TLE4: variants seen among roughly 807,000 people sequenced by gnomAD.
TLE4 encodes the protein transducin-like enhancer protein 4.
Under a neutral mutation model 92.8 loss-of-function variants are expected in TLE4, and 8 were observed. That is an observed-to-expected ratio of 0.09 (90% CI 0.05 to 0.16). TLE4 has a LOEUF of 0.16. Among genes scored for constraint, TLE4 ranks in the 10% least tolerant of loss-of-function variants. TLE4 has a pLI of 1.00. For synonymous variants in TLE4, 371 were observed against 374.1 expected (o/e 0.99, Z 0.10); for missense variants, 675 against 997.6 (o/e 0.68, Z 4.36).
In TLE4 at chr9:79,725,468, C is replaced by A; in HGVS notation, c.*324C>A. On this transcript the variant is annotated 3_prime_UTR_variant, in exon 20 of 20. Transcript: ENST00000376552. ...AAGAAGGCTTTCTAACAATGACTGA[C>A]TAAATAAAGCTGTCTGCTCCTGCAT... 5.4e-6 allele frequency: 1 copy of A among 184,350 alleles called. No individual in the cohort carries two copies. Among genetic ancestry groups the A allele is most frequent in the Non-Finnish European group, 1.1e-5 (1 of 87,562 alleles). 11.4% of individuals were successfully genotyped at this position (184,350 alleles called of 1,614,324 possible). A position where few individuals can be genotyped will look rare whatever the true frequency, so the allele number is the denominator to read the frequency against.
At chr9:79,616,682 C>T (rs1373643625) in intron 5 of TLE4, among the ~76,000 whole-genome samples, 2 of 152,144 alleles carry the variant, frequency 1.3e-5, no homozygotes, top group Non-Finnish European at 2.9e-5. Context: ...CTCAGTGGGT[C>T]CTTAGTAAAA....
intron 5 of TLE4, among the ~76,000 whole-genome samples, chr9:79,614,358 G>A (rs1178150601): frequency 1.3e-5 from 2 of 152,146 alleles, no homozygotes; most frequent in Non-Finnish European, 2.9e-5. Flanking sequence ...TGTGGGTTGT[G>A]TTCAGAAGTA....
chr9:79,651,124 A>G (rs1387775657), intron 6 of TLE4, among the ~76,000 whole-genome samples: 2 of 152,002 alleles, frequency 1.3e-5, no homozygotes, highest in East Asian at 3.9e-4. Flanking sequence ...AGAAAATTAT[A>G]GAAGGGACTA....
intron 8 of TLE4, among the ~76,000 whole-genome samples, chr9:79,700,089 T>A (rs2069372283): frequency 1.3e-5 from 2 of 152,200 alleles, no homozygotes; most frequent in African/African-American, 4.8e-5. Flanking sequence ...GTTGAGGGGC[T>A]AGGCTATGTG....
chr9:79,622,427 C>T (rs942524628), intron 5 of TLE4, among the ~76,000 whole-genome samples: 18 of 152,160 alleles, frequency 1.2e-4, no homozygotes, highest in Admixed American at 1.2e-3. Flanking sequence ...CTTTTATCCT[C>T]ATTCTTCATC....
At chr9:79,629,646 C>G (rs1041106387) in intron 6 of TLE4, among the ~76,000 whole-genome samples, 3 of 152,142 alleles carry the variant, frequency 2.0e-5, no homozygotes, top group Non-Finnish European at 2.9e-5. Flanking sequence ...CTTCCAAACT[C>G]TTGGTATCTG....
At chr9:79,686,180 A>G (rs2065809908) in intron 8 of TLE4, among the ~76,000 whole-genome samples, 1 of 152,164 alleles carries the variant, frequency 6.6e-6, no homozygotes, top group Non-Finnish European at 1.5e-5. Context: ...GTGCCCTCTG[A>G]TTTTGGTATC....
At chr9:79,598,296 A>G (rs1166375365) in intron 4 of TLE4, among the ~76,000 whole-genome samples, 4 of 151,968 alleles carry the variant, frequency 2.6e-5, no homozygotes, top group East Asian at 3.9e-4. Flanking sequence ...GAGTAATGCA[A>G]TAGCCTCCTA....
Position 79,704,882 on chromosome 9 carries a change from A to C in TLE4, c.709A>C (p.Lys237Gln). The C allele has an allele frequency of 6.2e-7, 1 of 1,614,190 alleles. No homozygotes were observed. Among genetic ancestry groups the C allele is most frequent in the Non-Finnish European group, 8.5e-7 (1 of 1,180,020 alleles). Reference sequence around the variant, plus strand: ...GAGCAAAAAGCAGAAAACTGAAGAAAAGGAAATTGCAGCTCGTTATGTAAG... The same window carrying C: ...GAGCAAAAAGCAGAAAACTGAAGAACAGGAAATTGCAGCTCGTTATGTAAG... Reference protein sequence around the residue: ...SESKKQKTEEKEIAARYDSDG... With the variant: ...SESKKQKTEEQEIAARYDSDG... The change falls in exon 9 of 20, where the codon AAG becomes CAG. Residue 237 changes from lysine (K) to glutamine (Q), a missense_variant. By Grantham distance (53) the Lys-to-Gln change is moderately conservative (BLOSUM62 1). This residue lies in a region of TLE4 where 280 missense variants were observed against 287.3 expected (regional missense o/e 0.97). Coordinates refer to ENST00000376552, the MANE Select transcript of TLE4 (RefSeq NM_007005.6).
chr9:79,577,642 C>T (rs2038284709), intron 4 of TLE4, among the ~76,000 whole-genome samples: 1 of 152,092 alleles, frequency 6.6e-6, no homozygotes, highest in African/African-American at 2.4e-5. Context: ...ATTACATTTC[C>T]TTTGAGGTCT....
chr9:79,711,393 T>G (rs1025575852), intron 14 of TLE4, among the ~76,000 whole-genome samples: 1 of 152,252 alleles, frequency 6.6e-6, no homozygotes, highest in African/African-American at 2.4e-5. Flanking sequence ...GTTGGGTCTA[T>G]TTCAAGCAAT....
At chr9:79,722,733 C>T in intron 18 of TLE4, 132 bp downstream of exon 18, 1 of 1,163,714 alleles carries the variant, frequency 8.6e-7, no homozygotes, top group Non-Finnish European at 1.2e-6. Context: ...CTTCCTGATA[C>T]ATGCCTGCTT....
At chr9:79,689,926 C>A (rs909890026) in intron 8 of TLE4, among the ~76,000 whole-genome samples, 1 of 152,132 alleles carries the variant, frequency 6.6e-6, no homozygotes, top group African/African-American at 2.4e-5. Context: ...CTCTGGACAG[C>A]GTCTGATTTA....
In TLE4 at chr9:79,709,499, A is replaced by G. The variant is rs566422251; in HGVS notation, c.1264-124A>G. On this transcript the variant is annotated intron_variant, in intron 13 of 19. Transcript: ENST00000376552. ...ATTTCACCAATAAATACTTCTGTATATATCTCTAAAACCTTATTTTTAAAG... is the reference window on the plus strand; with the variant it reads ...ATTTCACCAATAAATACTTCTGTATGTATCTCTAAAACCTTATTTTTAAAG... 6 of 726,698 alleles carry G rather than the reference A, an allele frequency of 8.3e-6. No individual in the cohort carries two copies. The East Asian group carries it at 8.3e-5, about 10-fold the overall frequency. 45.0% of individuals were successfully genotyped at this position (726,698 alleles called of 1,614,324 possible). A position where few individuals can be genotyped will look rare whatever the true frequency, so the allele number is the denominator to read the frequency against.
At position 79,605,904 on chromosome 9, in the gene TLE4, T is replaced by C. The variant is rs560827459; in HGVS notation, c.253-6752T>C. 3.3e-5 allele frequency among the ~76,000 whole-genome samples: 5 copies of C among 152,204 alleles called. No homozygotes were observed. In the South Asian group the frequency reaches 1.0e-3, roughly 31 times the overall value. ...TGTGGTATCATCATTAGTAGAATCA[T>C]TGCTTTGGTTAAACTCCCTGGGGGA... On this transcript the variant is annotated intron_variant, in intron 4 of 19. Coordinates refer to ENST00000376552, the MANE Select transcript of TLE4 (RefSeq NM_007005.6).
At chr9:79,628,476 G>C (rs2053269154) in intron 6 of TLE4, among the ~76,000 whole-genome samples, 1 of 151,918 alleles carries the variant, frequency 6.6e-6, no homozygotes, top group Non-Finnish European at 1.5e-5. Context: ...TTTTAACAAG[G>C]AAATCAGAAC....
chr9:79,655,360 T>C (rs2059632198), intron 8 of TLE4, among the ~76,000 whole-genome samples: 1 of 152,220 alleles, frequency 6.6e-6, no homozygotes, highest in Non-Finnish European at 1.5e-5. Context: ...TGGAGCTATG[T>C]ATATGAATGC....
chr9:79,608,767 TCAAA>T (rs1218802622), intron 4 of TLE4, among the ~76,000 whole-genome samples: 3 of 152,080 alleles, frequency 2.0e-5, no homozygotes, highest in Non-Finnish European at 2.9e-5. Flanking sequence ...GACAAACCCA[TCAAA>T]CAGTTTTTAA....
chr9:79,724,111 T>C (rs1331778462), intron 19 of TLE4, among the ~76,000 whole-genome samples: 14 of 152,168 alleles, frequency 9.2e-5, no homozygotes, highest in Admixed American at 9.2e-4. Flanking sequence ...TCTCGCAAAT[T>C]TGTGTCACAT....
Sources: gnomAD v4.1 joint callset for allele counts (sites outside exome capture counted in the v4.1 genomes callset) on GRCh38, gnomAD v4.1.1 for gene constraint, gnomAD v4.1.1 regional missense constraint, MANE v1.5 for transcripts, NCBI Gene and HGNC (gene_info 2026-07-23, HGNC 2026-07-21) for gene names.